Variants in MTFR1 observed in about 807,000 individuals in gnomAD.
MTFR1 encodes mitochondrial fission regulator 1, also known as chondrocyte protein with a poly-proline region.
MTFR1 carries 28 observed loss-of-function variants against 38.8 expected under a neutral mutation model. The observed-to-expected ratio is 0.72, with a 90% CI of 0.53 to 0.99. MTFR1 has a LOEUF of 0.99. Among genes scored for constraint, MTFR1 ranks in the 50% least tolerant of loss-of-function variants. The pLI is 0.00. For synonymous variants in MTFR1, 145 were observed against 137.0 expected (o/e 1.06, Z -0.41); for missense variants, 358 against 395.5 (o/e 0.91, Z 0.81).
chr8:65,664,845 C>T lies in MTFR1; in HGVS notation c.-80-5028C>T, dbSNP rs564322711. Among the ~76,000 whole-genome samples the T allele has an allele frequency of 1.0e-3, 153 of 151,706 alleles. 1 individual carries two copies. Among genetic ancestry groups the T allele is most frequent in the Middle Eastern group, 3.4e-3 (1 of 294 alleles). ...TTAGGTGATCTGCCCACCTTGGCTTCCAAAAGTGCTGGGATTACAGGCGTG... is the reference window on the plus strand; with the variant it reads ...TTAGGTGATCTGCCCACCTTGGCTTTCAAAAGTGCTGGGATTACAGGCGTG... On this transcript the variant is annotated intron_variant, in intron 1 of 7. Coordinates refer to ENST00000262146, the MANE Select transcript of MTFR1 (RefSeq NM_014637.4).
chr8:65,751,075 C>T (rs1204785670), intron 3 of MTFR1, among the ~76,000 whole-genome samples: 17 of 152,158 alleles, frequency 1.1e-4, no homozygotes, highest in Admixed American at 1.1e-3. Context: ...GGACATGGAG[C>T]CTGTCTAGAT....
At chr8:65,684,299 G>A (rs973272166) in intron 3 of MTFR1, among the ~76,000 whole-genome samples, 1 of 152,048 alleles carries the variant, frequency 6.6e-6, no homozygotes, top group East Asian at 1.9e-4. Context: ...AGTAAGGTAC[G>A]AGAAACATTG....
At chr8:65,752,134 G>A (rs958974254) in intron 3 of MTFR1, among the ~76,000 whole-genome samples, 2 of 152,124 alleles carry the variant, frequency 1.3e-5, no homozygotes, top group African/African-American at 4.8e-5. Context: ...GTTATTGCAC[G>A]AGGAAGTCAC....
chr8:65,721,630 G>A (rs1196217533), intron 3 of MTFR1, among the ~76,000 whole-genome samples: 1 of 152,078 alleles, frequency 6.6e-6, no homozygotes, highest in African/African-American at 2.4e-5. Flanking sequence ...AACAGTGAAA[G>A]GGATCTAGCT....
chr8:65,756,429 C>CT (rs572075875), intron 3 of MTFR1, among the ~76,000 whole-genome samples: 50 of 150,806 alleles, frequency 3.3e-4, no homozygotes, highest in African/African-American at 1.0e-3. Flanking sequence ...GTTCATTTCT[C>CT]TTTTTTTTCT....
intron 3 of MTFR1, among the ~76,000 whole-genome samples, chr8:65,765,228 G>A (rs530267988): frequency 7.2e-5 from 11 of 152,144 alleles, no homozygotes; most frequent in African/African-American, 1.4e-4. Context: ...GGTGGCTCAC[G>A]CCTGTAATCC....
rs939966439 is a variant in MTFR1 at position 65,669,906 on chromosome 8, C to T, written c.-47C>T. 6.7e-7 allele frequency: 1 copy of T among 1,499,352 alleles called. No homozygotes were observed. Among genetic ancestry groups the T allele is most frequent in the South Asian group, 1.2e-5 (1 of 84,808 alleles). 92.9% of individuals were successfully genotyped at this position (1,499,352 alleles called of 1,614,324 possible). On this transcript the variant is annotated 5_prime_UTR_variant, in exon 2 of 8. Coordinates refer to ENST00000262146, the MANE Select transcript of MTFR1 (RefSeq NM_014637.4). ...ATGGACCATGTGCTGCTATGTATGC[C>T]TGAAGAAGTACTTGAAATGCAAATT...
chr8:65,680,760 G>A (rs1309809401), intron 2 of MTFR1, among the ~76,000 whole-genome samples: 1 of 151,994 alleles, frequency 6.6e-6, no homozygotes, highest in African/African-American at 2.4e-5. Context: ...GTTCTTTTTA[G>A]TCTTTAGAAT....
intron 4 of MTFR1, among the ~76,000 whole-genome samples, chr8:65,703,932 C>CGCG: frequency 6.6e-6 from 1 of 151,930 alleles, no homozygotes; most frequent in Non-Finnish European, 1.5e-5. Context: ...TAAAAAATAA[C>CGCG]GCAGGGCTCG....
At chr8:65,682,328 C>T (rs768247845) in intron 2 of MTFR1, 25 bp from the exon 3 acceptor site, 2 of 1,287,052 alleles carry the variant, frequency 1.6e-6, no homozygotes, top group Non-Finnish European at 2.2e-6. Flanking sequence ...TGTAATTAAG[C>T]TTTCGGTTTT....
At chr8:65,644,932 G>A (rs1289587791) in intron 1 of MTFR1, 148 bp downstream of exon 1, 1 of 152,458 alleles carries the variant, frequency 6.6e-6, no homozygotes, top group Non-Finnish European at 1.5e-5. Flanking sequence ...GCGGGATCCT[G>A]GGCCGGTTGA....
rs913586085 is a variant in MTFR1 at position 65,645,695 on chromosome 8, C to T, written c.-81+911C>T. 2.2e-3 allele frequency among the ~76,000 whole-genome samples: 255 copies of T among 114,316 alleles called. 7 individuals carry two copies. Among genetic ancestry groups the T allele is most frequent in the African/African-American group, 2.4e-3 (66 of 27,510 alleles). The allele number at this position is 114,316 out of a possible 152,430, so 75.0% of individuals were successfully genotyped here. A position where few individuals can be genotyped will look rare whatever the true frequency, so the allele number is the denominator to read the frequency against. ...CAGGCGCCATCACGCCCGGCTTTCC[C>T]CCCCCCCCCCCTTTGTAGAGATGGG... On this transcript the variant is annotated intron_variant, in intron 1 of 7. Transcript: ENST00000262146.
chr8:65,673,764 T>C (rs1385716996), intron 2 of MTFR1, among the ~76,000 whole-genome samples: 2 of 151,796 alleles, frequency 1.3e-5, no homozygotes, highest in Non-Finnish European at 2.9e-5. Context: ...CAACCAGGCA[T>C]GATGGTGGGT....
At chr8:65,773,683 C>T (rs1809176554), downstream of MTFR1, among the ~76,000 whole-genome samples, 1 of 152,016 alleles carries the variant, frequency 6.6e-6, no homozygotes. Flanking sequence ...GGTCTTCCTT[C>T]TCTTGTCTTT....
intron 3 of MTFR1, among the ~76,000 whole-genome samples, chr8:65,686,941 A>C (rs1020904890): frequency 6.6e-6 from 1 of 151,934 alleles, no homozygotes; most frequent in Non-Finnish European, 1.5e-5. Flanking sequence ...AAAAAAAAGT[A>C]ACCAACAAAT....
chr8:65,724,257 T>C (rs1806516537), intron 3 of MTFR1: 1 of 1,600,814 alleles, frequency 6.2e-7, no homozygotes, highest in Admixed American at 1.7e-5. Flanking sequence ...TAACTTGCCT[T>C]GATGGAAGAA....
At chr8:65,677,705 GTCTTATTTTCTAAATGAAATTGGATTA>G (rs1328305996) in intron 2 of MTFR1, among the ~76,000 whole-genome samples, 2 of 150,840 alleles carry the variant, frequency 1.3e-5, no homozygotes, top group African/African-American at 4.9e-5. Flanking sequence ...GCATTGGATT[GTCTTATTTTCTAAATGAAATTGGATTA>G]TCTTGCCAGG....
chr8:65,744,946 C>T (rs1168213734), intron 3 of MTFR1, among the ~76,000 whole-genome samples: 2 of 152,044 alleles, frequency 1.3e-5, no homozygotes, highest in Non-Finnish European at 2.9e-5. Context: ...TGGCTGTGTC[C>T]CCAGCCAAAT....
In MTFR1 at chr8:65,706,353, A is replaced by G. The variant is rs146753320; in HGVS notation, c.518-657A>G. ...CCTCCCCAATCAAACTAGTTCACCC[A>G]ATAAACAACTTTCTAACCTCCAGTT... is the stretch of plus-strand genomic sequence containing the variant. On this transcript the variant is annotated intron_variant, in intron 5 of 7. Transcript: ENST00000262146. Among the ~76,000 whole-genome samples the G allele has an allele frequency of 2.4e-4, 36 of 152,350 alleles. No individual in the cohort carries two copies. In the East Asian group the frequency reaches 6.4e-3, roughly 27 times the overall value.
Sources: allele counts gnomAD v4.1 joint callset (sites outside exome capture counted in the v4.1 genomes callset), GRCh38; gene constraint gnomAD v4.1.1; transcripts MANE v1.5; gene names NCBI Gene and HGNC (gene_info 2026-07-23, HGNC 2026-07-21).